Variants in SUGP1 observed in about 807,000 individuals in gnomAD.
SUGP1 encodes SURP and G-patch domain-containing protein 1.
A neutral mutation model predicts 76.5 loss-of-function variants in SUGP1; 34 were observed. The observed-to-expected ratio is 0.44, with a 90% CI of 0.34 to 0.59. The LOEUF (loss-of-function observed/expected upper bound fraction) is 0.59, where lower values mean the gene tolerates loss of function less well. Ranked by LOEUF, SUGP1 falls within the 20% of genes least tolerant of loss-of-function variation. The pLI is 0.01. For synonymous variants in SUGP1, 326 were observed against 326.2 expected, an observed-to-expected ratio of 1.00 and a Z score of 0.01; for missense variants, 752 against 851.7, an observed-to-expected ratio of 0.88 and a Z score of 1.46.
intron 2 of SUGP1, among the ~76,000 whole-genome samples, chr19:19,311,484 T>C (rs999212475): frequency 2.0e-4 from 31 of 151,844 alleles, no homozygotes; most frequent in Admixed American, 8.5e-4. Flanking sequence ...TCCCAGCACT[T>C]TGGGAGGCCG....
intron 3 of SUGP1, among the ~76,000 whole-genome samples, chr19:19,308,122 A>G (rs2061329978): frequency 6.6e-6 from 1 of 152,100 alleles, no homozygotes; most frequent in Non-Finnish European, 1.5e-5. Context: ...TCCGCCTCCC[A>G]GGCCCAAAAG....
At chr19:19,290,759 T>C (rs749383565) in intron 8 of SUGP1, among the ~76,000 whole-genome samples, 2 of 152,270 alleles carry the variant, frequency 1.3e-5, no homozygotes, top group Non-Finnish European at 1.5e-5. Flanking sequence ...AAGTTTATTA[T>C]AGATTACTGA....
At chr19:19,279,839 G>A (rs975857793) in intron 9 of SUGP1, among the ~76,000 whole-genome samples, 4 of 152,204 alleles carry the variant, frequency 2.6e-5, no homozygotes, top group Admixed American at 2.0e-4. Context: ...AGAGGACTGC[G>A]GACAAAGAAC....
At chr19:19,294,610 C>T (rs755296361) in intron 8 of SUGP1, among the ~76,000 whole-genome samples, 4 of 151,736 alleles carry the variant, frequency 2.6e-5, no homozygotes, top group African/African-American at 7.2e-5. Flanking sequence ...TTTTCATGCC[C>T]GGATTTGGCA....
intron 4 of SUGP1, 36 bp downstream of exon 4, chr19:19,305,813 A>C (rs754202862): frequency 1.3e-6 from 2 of 1,564,358 alleles, no homozygotes; most frequent in Non-Finnish European, 1.7e-6. Context: ...GAGCACGGGC[A>C]CTGGTGGTGG....
chr19:19,313,628 G>A (rs769842823), intron 2 of SUGP1, among the ~76,000 whole-genome samples: 35 of 152,230 alleles, frequency 2.3e-4, no homozygotes, highest in Middle Eastern at 3.4e-3. Flanking sequence ...AAGATAGCTT[G>A]AGTCCAGGAA....
At chr19:19,314,795 G>T (rs2042507631) in intron 2 of SUGP1, among the ~76,000 whole-genome samples, 1 of 151,982 alleles carries the variant, frequency 6.6e-6, no homozygotes, top group South Asian at 2.1e-4. Context: ...AACACTCTGG[G>T]AGACTGAGAG....
chr19:19,278,392 G>A (rs1479519761), intron 11 of SUGP1, among the ~76,000 whole-genome samples: 3 of 152,204 alleles, frequency 2.0e-5, no homozygotes, highest in Admixed American at 6.5e-5. Context: ...AGGCCAGTCC[G>A]TGGGGACTTC....
At chr19:19,314,743 G>C (rs917944941) in intron 2 of SUGP1, among the ~76,000 whole-genome samples, 3 of 152,158 alleles carry the variant, frequency 2.0e-5, no homozygotes, top group African/African-American at 7.2e-5. Flanking sequence ...AGATAAAAAT[G>C]CTGGTTCTTG....
At chr19:19,319,474 T>C (rs1248922844) in intron 1 of SUGP1, among the ~76,000 whole-genome samples, 1 of 151,578 alleles carries the variant, frequency 6.6e-6, no homozygotes, top group Non-Finnish European at 1.5e-5. Flanking sequence ...GGCTCACACC[T>C]TTACGTAACC....
chr19:19,294,352 C>T (rs986436658), intron 8 of SUGP1, among the ~76,000 whole-genome samples: 2 of 151,832 alleles, frequency 1.3e-5, no homozygotes, highest in Admixed American at 6.6e-5. Context: ...GGTGAAACTC[C>T]ATCTCTACAA....
intron 1 of SUGP1, among the ~76,000 whole-genome samples, chr19:19,320,200 T>C (rs577508897): frequency 3.3e-5 from 5 of 152,280 alleles, no homozygotes; most frequent in Admixed American, 1.3e-4. Flanking sequence ...CTGAAGGCGG[T>C]TGTTTCGGAA....
chr19:19,319,833 T>C (rs1484252597), intron 1 of SUGP1, among the ~76,000 whole-genome samples: 9 of 151,962 alleles, frequency 5.9e-5, no homozygotes, highest in Non-Finnish European at 1.2e-4. Flanking sequence ...TTTGTAAATA[T>C]TTTCTCATTA....
rs141601267 is a variant in SUGP1 at position 19,313,238 on chromosome 19, A to G, written c.207-3038T>C. 2.1e-4 allele frequency among the ~76,000 whole-genome samples: 32 copies of G among 151,714 alleles called. No homozygotes were observed. The East Asian group carries it at 6.3e-3, about 30-fold the overall frequency. On this transcript the variant is annotated intron_variant, in intron 2 of 13. Coordinates refer to ENST00000247001, the MANE Select transcript of SUGP1 (RefSeq NM_172231.4). ...ATGAAACCCCGTCTCTACTAAAAAT[A>G]CAAAAAATTAGCCGGGCGTGGTAGC...
At chr19:19,317,528 CTT>C (rs2061403562) in intron 1 of SUGP1, among the ~76,000 whole-genome samples, 1 of 151,904 alleles carries the variant, frequency 6.6e-6, no homozygotes, top group Non-Finnish European at 1.5e-5. Context: ...TCCATTGGGT[CTT>C]TTTTTGAGAC....
At chr19:19,286,268 G>A (rs2061139271) in intron 8 of SUGP1, among the ~76,000 whole-genome samples, 1 of 152,152 alleles carries the variant, frequency 6.6e-6, no homozygotes, top group Non-Finnish European at 1.5e-5. Context: ...ATCCAAACAA[G>A]GTCTCTACTT....
At chr19:19,298,020 G>C (rs760651873) in intron 7 of SUGP1, among the ~76,000 whole-genome samples, 1 of 152,222 alleles carries the variant, frequency 6.6e-6, no homozygotes, top group East Asian at 1.9e-4. Context: ...AAAAGGGAGA[G>C]TCTTGGCCCA....
chr19:19,303,531 A>C, intron 5 of SUGP1, 83 bp from the exon 6 acceptor site: 1 of 1,437,532 alleles, frequency 7.0e-7, no homozygotes, highest in Admixed American at 1.7e-5. Flanking sequence ...TCGTGCAAAA[A>C]AAGGCAGGCT....
At chr19:19,309,545 C>G (rs925662303) in intron 3 of SUGP1, among the ~76,000 whole-genome samples, 5 of 151,902 alleles carry the variant, frequency 3.3e-5, no homozygotes, top group Admixed American at 3.3e-4. Flanking sequence ...TTTGGATGGC[C>G]AAGGCGGGCA....
Sources: allele counts gnomAD v4.1 joint callset (sites outside exome capture counted in the v4.1 genomes callset), GRCh38; gene constraint gnomAD v4.1.1; transcripts MANE v1.5; gene names NCBI Gene and HGNC (gene_info 2026-07-23, HGNC 2026-07-21).